The following PABIR3 variants were observed in gnomAD, a reference collection of about 807,000 sequenced individuals.
The protein encoded by PABIR3 is PABIR family member 3.
PABIR3 carries 20 observed loss-of-function variants against 23.1 expected under a neutral mutation model. That is an observed-to-expected ratio of 0.86 (90% CI 0.61 to 1.26). The LOEUF (loss-of-function observed/expected upper bound fraction) is 1.26, where lower values mean the gene tolerates loss of function less well. Among genes scored for constraint, PABIR3 ranks in the 50% most tolerant of loss-of-function variants. The pLI, the probability that PABIR3 is intolerant of heterozygous loss-of-function variation, is 0.00. For synonymous variants in PABIR3, 69 were observed against 68.5 expected (o/e 1.01, Z -0.04); for missense variants, 189 against 195.4 (o/e 0.97, Z 0.20).
chrX:134,834,321 G>A (rs1337934557), intron 4 of PABIR3: 4 of 112,142 alleles, frequency 3.6e-5, no homozygotes, highest in Non-Finnish European at 5.6e-5. Flanking sequence ...GTCTTCTTTT[G>A]AGAAGTGTCT....
chrX:134,821,537 C>T, intron 3 of PABIR3: 1 of 1,151,457 alleles, frequency 8.7e-7, no homozygotes, highest in Non-Finnish European at 1.2e-6. Flanking sequence ...CCTCCTCTTC[C>T]AAAGGAAGCA....
intron 1 of PABIR3, among the ~76,000 whole-genome samples, chrX:134,798,502 C>G (rs1277270919): frequency 1.8e-5 from 2 of 111,810 alleles, no homozygotes; most frequent in Admixed American, 1.9e-4. Flanking sequence ...CCCACCTGGC[C>G]CCTTTCTCAT....
chrX:134,857,126 A>T (rs991432163), downstream of PABIR3, among the ~76,000 whole-genome samples: 6 of 112,489 alleles, frequency 5.3e-5, no homozygotes, highest in African/African-American at 1.9e-4. Context: ...GGCTGCCATA[A>T]CAAAGCATCA....
In PABIR3 at chrX:134,815,583, A is replaced by G. The variant is rs187480254; in HGVS notation, c.189+734A>G. On this transcript the variant is annotated intron_variant, in intron 3 of 10. Transcript: ENST00000645433. ...CTTGTCTTGTTCCTCATCATTGAAT[A>G]TGATTTTAGCTGTGAGTTTTTGGTA... is the stretch of plus-strand genomic sequence containing the variant. Among the ~76,000 whole-genome samples, 138 of 111,993 alleles carry G rather than the reference A, an allele frequency of 1.2e-3. 1 individual carries two copies. The highest frequency in any genetic ancestry group is 2.3e-3 in the Non-Finnish European group (123 of 53,174).
chrX:134,824,843 C>G (rs987261424), intron 3 of PABIR3, among the ~76,000 whole-genome samples: 1 of 111,925 alleles, frequency 8.9e-6, no homozygotes, highest in Non-Finnish European at 1.9e-5. Flanking sequence ...AAGATCAGGA[C>G]AAACAGGCAG....
downstream of PABIR3, among the ~76,000 whole-genome samples, chrX:134,857,542 A>G (rs1414980169): frequency 9.0e-6 from 1 of 111,726 alleles, no homozygotes; most frequent in African/African-American, 3.3e-5. Flanking sequence ...TTTAACACAC[A>G]ATGGTATAAT....
intron 4 of PABIR3, chrX:134,839,742 G>T (rs1394714939): frequency 8.3e-4 from 94 of 112,663 alleles, no homozygotes; most frequent in Non-Finnish European, 1.5e-3. Flanking sequence ...GAGGTGGGGG[G>T]GTCAGCCCCC....
At chrX:134,804,685 T>A (rs1470345730), upstream of PABIR3, among the ~76,000 whole-genome samples, 1 of 112,549 alleles carries the variant, frequency 8.9e-6, no homozygotes, top group Non-Finnish European at 1.9e-5. Flanking sequence ...CCTTACTACC[T>A]GCCAAGAATA....
At position 134,847,442 on chromosome X, in the gene PABIR3, C is replaced by T. The variant is rs150048991; in HGVS notation, c.405C>T (p.Ser135=). The T allele has an allele frequency of 3.3e-6, 4 of 1,204,014 alleles. No homozygotes were observed. Among genetic ancestry groups the T allele is most frequent in the Admixed American group, 4.4e-5 (2 of 45,672 alleles). Residue 135 remains serine, a synonymous_variant, in exon 7 of 11, where the codon TCC becomes TCT. Transcript: ENST00000645433. ...SLKCIDLTPV[S]SMASSIKKTG... is the part of the protein sequence containing the mutation. ...AGTGCATTGATTTAACTCCAGTATC[C>T]TCAATGGCTTCTTCCATCAAGAAGA...
intron 3 of PABIR3, among the ~76,000 whole-genome samples, chrX:134,820,054 A>G (rs2081190137): frequency 9.0e-6 from 1 of 111,420 alleles, no homozygotes; most frequent in African/African-American, 3.3e-5. Flanking sequence ...GGTTCCTTCT[A>G]TCTTTCCACC....
intron 9 of PABIR3, among the ~76,000 whole-genome samples, chrX:134,851,758 G>T (rs914793796): frequency 9.0e-6 from 1 of 111,504 alleles, no homozygotes; most frequent in African/African-American, 3.3e-5. Flanking sequence ...ATGTAATCTG[G>T]CAAGGCACGG....
At chrX:134,855,267 T>G (rs990428086), downstream of PABIR3, among the ~76,000 whole-genome samples, 12 of 109,820 alleles carry the variant, frequency 1.1e-4, no homozygotes, top group Admixed American at 7.8e-4. Flanking sequence ...ACCCCGTCTC[T>G]ACTAAAAACA....
intron 3 of PABIR3, among the ~76,000 whole-genome samples, chrX:134,818,654 T>TG (rs2081102793): frequency 9.0e-6 from 1 of 111,478 alleles, no homozygotes; most frequent in African/African-American, 3.3e-5. Flanking sequence ...GACCTATAAA[T>TG]GGCACTGTAC....
chrX:134,855,193 G>C (rs2082741785), downstream of PABIR3, among the ~76,000 whole-genome samples: 1 of 110,686 alleles, frequency 9.0e-6, no homozygotes, highest in South Asian at 3.8e-4. Context: ...CCAGCACTCT[G>C]GGAGGCCAAG....
chrX:134,854,148 G>A lies in PABIR3; in HGVS notation c.744G>A (p.Ser248=), dbSNP rs753180872. ...GCAATGCTGGATCTTCTGGTAATTCGTCAGCTGAAATCGGCACTGTCACAA... is the reference window on the plus strand; with the variant it reads ...GCAATGCTGGATCTTCTGGTAATTCATCAGCTGAAATCGGCACTGTCACAA... The part of the protein sequence containing the change: ...NDSNAGSSGN[S]SAEIGTVTNS... Residue 248 remains serine, a synonymous_variant, in exon 11 of 11, where the codon TCG becomes TCA. Transcript: ENST00000645433. The A allele has an allele frequency of 1.1e-5, 13 of 1,208,795 alleles. No individual in the cohort carries two copies. In the South Asian group the frequency reaches 1.2e-4, roughly 11 times the overall value.
intron 8 of PABIR3, among the ~76,000 whole-genome samples, chrX:134,848,646 C>G (rs2082518364): frequency 9.0e-6 from 1 of 111,656 alleles, no homozygotes; most frequent in African/African-American, 3.3e-5. Context: ...AATCCTGAAT[C>G]CTTGAGAATT....
chrX:134,839,921 G>A (rs778139412), intron 4 of PABIR3, among the ~76,000 whole-genome samples: 3 of 112,648 alleles, frequency 2.7e-5, no homozygotes, highest in African/African-American at 9.7e-5. Flanking sequence ...GAATAGAAAG[G>A]GGGGAAAGGT....
chrX:134,800,262 C>T (rs1194969129), intron 1 of PABIR3, among the ~76,000 whole-genome samples: 5 of 105,217 alleles, frequency 4.8e-5, no homozygotes, highest in Admixed American at 1.0e-4. Context: ...GATCACACCA[C>T]GGCACTCCAG....
downstream of PABIR3, among the ~76,000 whole-genome samples, chrX:134,856,312 A>C (rs754038638): frequency 1.6e-4 from 17 of 109,358 alleles, no homozygotes; most frequent in African/African-American, 5.7e-4. Context: ...CAACCTCCCG[A>C]GTAGCTGGGA....
Sources: gnomAD v4.1 joint callset for allele counts (sites outside exome capture counted in the v4.1 genomes callset) on GRCh38, gnomAD v4.1.1 for gene constraint, MANE v1.5 for transcripts, NCBI Gene and HGNC (gene_info 2026-07-23, HGNC 2026-07-21) for gene names.